The following CAMK1D variants were observed in gnomAD, a reference collection of about 807,000 sequenced individuals.
The protein encoded by CAMK1D is calcium/calmodulin-dependent protein kinase type 1D.
A neutral mutation model predicts 47.7 loss-of-function variants in CAMK1D; 9 were observed. The ratio of observed to expected loss-of-function variants is 0.19; its 90% CI spans 0.11 to 0.33. The LOEUF (loss-of-function observed/expected upper bound fraction) is 0.33. CAMK1D is among the 10% of genes least tolerant of loss of function. The pLI is 1.00. For synonymous variants in CAMK1D, 184 were observed against 184.9 expected (o/e 0.99, Z 0.04); for missense variants, 291 against 488.7 (o/e 0.60, Z 3.81).
At chr10:12,429,970 C>T (rs1840385611) in intron 1 of CAMK1D, among the ~76,000 whole-genome samples, 1 of 152,072 alleles carries the variant, frequency 6.6e-6, no homozygotes, top group Non-Finnish European at 1.5e-5. Flanking sequence ...TGCCCCTCCC[C>T]ACCCCGGGGA....
intron 2 of CAMK1D, among the ~76,000 whole-genome samples, chr10:12,562,170 G>A (rs147103844): frequency 1.2e-4 from 18 of 152,306 alleles, no homozygotes; most frequent in African/African-American, 4.1e-4. Flanking sequence ...ATTTTGTGCT[G>A]CTTTATGGCA....
intron 2 of CAMK1D, among the ~76,000 whole-genome samples, chr10:12,637,766 C>G (rs933967588): frequency 6.6e-6 from 1 of 152,146 alleles, no homozygotes; most frequent in Non-Finnish European, 1.5e-5. Context: ...CTTTGTGAGG[C>G]TGTGGTGCTA....
chr10:12,805,367 CTTT>C lies in CAMK1D; in HGVS notation c.642-8810_642-8808del, dbSNP rs35851814. On this transcript the variant is annotated intron_variant, in intron 6 of 10. Coordinates refer to ENST00000619168, the MANE Select transcript of CAMK1D (RefSeq NM_153498.4). ...AATAAGCCATAATATCTTTACATTT[CTTT>C]TTTTTTTTTTTTTTTTTAAACACAG... is the stretch of plus-strand genomic sequence containing the variant. Among the ~76,000 whole-genome samples, 530 of 128,662 alleles carry C rather than the reference CTTT, an allele frequency of 4.1e-3. 5 individuals carry two copies. Among genetic ancestry groups the C allele is most frequent in the African/African-American group, 0.014 (469 of 34,668 alleles). The allele number at this position is 128,662 out of a possible 152,430, so 84.4% of individuals were successfully genotyped here.
intron 1 of CAMK1D, among the ~76,000 whole-genome samples, chr10:12,551,532 A>T (rs913021253): frequency 6.6e-6 from 1 of 152,190 alleles, no homozygotes; most frequent in African/African-American, 2.4e-5. Context: ...AGGCGAGTGA[A>T]TCACTTGAGG....
intron 1 of CAMK1D, among the ~76,000 whole-genome samples, chr10:12,492,347 C>CAAAAAAAAAA (rs71384332): frequency 9.1e-6 from 1 of 110,432 alleles, no homozygotes; most frequent in Non-Finnish European, 1.8e-5. Flanking sequence ...CACCTCATCT[C>CAAAAAAAAAA]AAAAAAAAAA....
chr10:12,458,707 A>G (rs566902088), intron 1 of CAMK1D, among the ~76,000 whole-genome samples: 1 of 152,288 alleles, frequency 6.6e-6, no homozygotes, highest in Admixed American at 6.5e-5. Flanking sequence ...TGTCAGGATT[A>G]CAGGTGTGAG....
intron 2 of CAMK1D, among the ~76,000 whole-genome samples, chr10:12,560,794 A>G (rs78456232): frequency 6.6e-6 from 1 of 152,156 alleles, no homozygotes; most frequent in African/African-American, 2.4e-5. Context: ...AGGAAATGTG[A>G]AAAGTAACGG....
chr10:12,530,021 A>C (rs750495394), intron 1 of CAMK1D, among the ~76,000 whole-genome samples: 39 of 152,202 alleles, frequency 2.6e-4, no homozygotes, highest in Admixed American at 2.0e-4. Flanking sequence ...CCAACTGGCA[A>C]CCCTGTACGA....
At chr10:12,476,094 C>A (rs1446172891) in intron 1 of CAMK1D, among the ~76,000 whole-genome samples, 1 of 151,926 alleles carries the variant, frequency 6.6e-6, no homozygotes, top group Non-Finnish European at 1.5e-5. Flanking sequence ...GAGTTTGAGA[C>A]CAGCCTGACC....
chr10:12,381,315 G>A (rs1229517816), intron 1 of CAMK1D, among the ~76,000 whole-genome samples: 2 of 151,746 alleles, frequency 1.3e-5, no homozygotes, highest in African/African-American at 4.8e-5. Context: ...AAAAAATGTC[G>A]GAAGGACTAG....
chr10:12,544,432 C>A (rs922863166), intron 1 of CAMK1D, among the ~76,000 whole-genome samples: 2 of 152,132 alleles, frequency 1.3e-5, no homozygotes, highest in African/African-American at 4.8e-5. Flanking sequence ...ACTTATTCAA[C>A]AAGGATGAAG....
intron 5 of CAMK1D, among the ~76,000 whole-genome samples, chr10:12,771,806 G>A (rs1412753858): frequency 6.6e-6 from 1 of 152,212 alleles, no homozygotes. Flanking sequence ...GGCCAAGGTG[G>A]TTGGGTCAGT....
intron 1 of CAMK1D, among the ~76,000 whole-genome samples, chr10:12,435,094 G>T (rs1433786693): frequency 5.3e-5 from 8 of 151,794 alleles, no homozygotes; most frequent in African/African-American, 1.7e-4. Context: ...GGTGGTGTGG[G>T]TGCCTGTAAT....
chr10:12,570,216 T>C (rs1253143844), intron 2 of CAMK1D, among the ~76,000 whole-genome samples: 1 of 151,914 alleles, frequency 6.6e-6, no homozygotes, highest in Non-Finnish European at 1.5e-5. Flanking sequence ...AGTATATATA[T>C]ATATTTTATA....
chr10:12,490,911 C>T (rs915177086), intron 1 of CAMK1D, among the ~76,000 whole-genome samples: 11 of 152,028 alleles, frequency 7.2e-5, no homozygotes, highest in Non-Finnish European at 1.3e-4. Context: ...CACACATGCC[C>T]CATAAATATG....
At chr10:12,629,297 G>T (rs1031207552) in intron 2 of CAMK1D, among the ~76,000 whole-genome samples, 1 of 152,164 alleles carries the variant, frequency 6.6e-6, no homozygotes, top group African/African-American at 2.4e-5. Context: ...TCCAGTCCTG[G>T]TTTTAGCCTT....
chr10:12,577,002 G>A (rs781074547), intron 2 of CAMK1D, among the ~76,000 whole-genome samples: 14 of 152,202 alleles, frequency 9.2e-5, no homozygotes, highest in South Asian at 6.2e-4. Flanking sequence ...GAGAGAGGCC[G>A]TGGAACCAGT....
At chr10:12,745,424 C>A (rs80333263) in intron 3 of CAMK1D, among the ~76,000 whole-genome samples, 1 of 152,004 alleles carries the variant, frequency 6.6e-6, no homozygotes, top group Non-Finnish European at 1.5e-5. Flanking sequence ...CACACACACA[C>A]GCTAGAATAC....
intron 1 of CAMK1D, among the ~76,000 whole-genome samples, chr10:12,518,216 T>C (rs934302106): frequency 6.6e-6 from 1 of 152,172 alleles, no homozygotes. Flanking sequence ...ATGAATAAAG[T>C]TTTATTGGAA....
Sources: allele counts gnomAD v4.1 joint callset (sites outside exome capture counted in the v4.1 genomes callset), GRCh38; gene constraint gnomAD v4.1.1; transcripts MANE v1.5; gene names NCBI Gene and HGNC (gene_info 2026-07-23, HGNC 2026-07-21).